Variants in RPS14 observed in about 807,000 individuals in gnomAD.
RPS14 encodes small ribosomal subunit protein uS11.
A neutral mutation model predicts 15.4 loss-of-function variants in RPS14; 1 was observed. The ratio of observed to expected loss-of-function variants is 0.07; its 90% confidence interval spans 0.02 to 0.31. RPS14 has a LOEUF of 0.31. RPS14 is among the 10% of genes least tolerant of loss of function. The pLI is 1.00. For synonymous variants in RPS14, 68 were observed against 74.4 expected (o/e 0.91, Z 0.44); for missense variants, 69 against 205.5 (o/e 0.34, Z 4.06).
Position 150,446,686 on chromosome 5 carries a change from G to T in RPS14, c.311+116C>A. 1.8e-6 allele frequency: 2 copies of T among 1,137,214 alleles called. No homozygotes were observed. The highest frequency in any genetic ancestry group is 2.6e-6 in the Non-Finnish European group (2 of 783,878). 70.4% of individuals were successfully genotyped at this position (1,137,214 alleles called of 1,614,324 possible). ...GGAGCCAATTATTAAGTATGTATAT[G>T]CCTAAAATATCTTGTTCAAGGTCAC... is the stretch of plus-strand genomic sequence containing the variant. On this transcript the variant is annotated intron_variant, in intron 3 of 4. Coordinates refer to ENST00000407193, the MANE Select transcript of RPS14 (RefSeq NM_005617.4). This position sits in a 1 kb window ranked among gnomAD's most constrained non-coding sequence, Gnocchi z 4.2.
rs1771097037 is a variant in RPS14, at chr5:150,446,369, C to A, written c.311+433G>T. Among the ~76,000 whole-genome samples the A allele has an allele frequency of 6.6e-6, 1 of 152,162 alleles. No homozygotes were observed. Among genetic ancestry groups the A allele is most frequent in the Non-Finnish European group, 1.5e-5 (1 of 68,030 alleles). The stretch of plus-strand genomic sequence containing the variant: ...CTGCAGTTGTCTCTAGCTGGAATAC[C>A]CTCCTCCTGTCCTTATTTCACTGGA... On this transcript the variant is annotated intron_variant, in intron 3 of 4. Transcript: ENST00000407193. The surrounding 1 kb of genome is among the most constrained non-coding windows in gnomAD (Gnocchi z 4.2).
chr5:150,444,179 G>A lies in RPS14; in HGVS notation c.*107C>T. 1.4e-6 allele frequency: 2 copies of A among 1,476,134 alleles called. No individual in the cohort carries two copies. The highest frequency in any genetic ancestry group is 1.8e-6 in the Non-Finnish European group (2 of 1,108,918). 91.4% of individuals were successfully genotyped at this position (1,476,134 alleles called of 1,614,324 possible). A position where few individuals can be genotyped will look rare whatever the true frequency, so the allele number is the denominator to read the frequency against. On this transcript the variant is annotated 3_prime_UTR_variant, in exon 5 of 5. Coordinates refer to ENST00000407193, the MANE Select transcript of RPS14 (RefSeq NM_005617.4). The stretch of plus-strand genomic sequence containing the variant: ...TTTCTCCCAAGAAGCCAAATAGGAG[G>A]AAGAAATCAAATGCCTGAGTAGCCC...
At chr5:150,448,030 G>A in intron 1 of RPS14, 1 of 307,622 alleles carries the variant, frequency 3.3e-6, no homozygotes, top group Non-Finnish European at 6.1e-6. Context: ...AGCAGCAGAT[G>A]CCTGAAGGCT....
intron 4 of RPS14, chr5:150,444,605 A>T (rs1432648622): frequency 1.5e-6 from 1 of 661,786 alleles, no homozygotes; most frequent in Non-Finnish European, 2.8e-6. Flanking sequence ...GAGGCACAGG[A>T]CAAATCCAGG....
rs577419468 is a variant in RPS14, at chr5:150,446,666, C to T, written c.311+136G>A. ...GCTGCTGGGGGGTGTACACAGGAGC[C>T]AATTATTAAGTATGTATATGCCTAA... On this transcript the variant is annotated intron_variant, in intron 3 of 4. Coordinates refer to ENST00000407193, the MANE Select transcript of RPS14 (RefSeq NM_005617.4). This position sits in a 1 kb window ranked among gnomAD's most constrained non-coding sequence, Gnocchi z 4.2. 1 of 885,304 alleles carries T rather than the reference C, an allele frequency of 1.1e-6. No individual in the cohort carries two copies. Among genetic ancestry groups the T allele is most frequent in the East Asian group, 2.6e-5 (1 of 39,108 alleles). The allele number at this position is 885,304 out of a possible 1,614,324, so 54.8% of individuals were successfully genotyped here.
chr5:150,445,528 A>G, intron 4 of RPS14, 81 bp downstream of exon 4: 1 of 1,322,904 alleles, frequency 7.6e-7, no homozygotes, highest in South Asian at 1.2e-5. Flanking sequence ...CAGCCGCTGC[A>G]CATCCACTGG....
intron 3 of RPS14, 103 bp from the exon 4 acceptor site, chr5:150,445,788 T>G: frequency 5.7e-6 from 5 of 884,212 alleles, no homozygotes; most frequent in Non-Finnish European, 9.0e-6. Context: ...TCTGCAAACT[T>G]TCTGTAAAGA....
At position 150,444,181 on chromosome 5, in the gene RPS14, A is replaced by G. The variant is rs1771019944; in HGVS notation, c.*105T>C. 1.4e-6 allele frequency: 2 copies of G among 1,479,024 alleles called. No individual in the cohort carries two copies. Among genetic ancestry groups the G allele is most frequent in the African/African-American group, 2.8e-5 (2 of 71,286 alleles). The allele number at this position is 1,479,024 out of a possible 1,614,324, so 91.6% of individuals were successfully genotyped here. A position where few individuals can be genotyped will look rare whatever the true frequency, so the allele number is the denominator to read the frequency against. On this transcript the variant is annotated 3_prime_UTR_variant, in exon 5 of 5. Transcript: ENST00000407193. ...TCTCCCAAGAAGCCAAATAGGAGGAAGAAATCAAATGCCTGAGTAGCCCCT... is the reference window on the plus strand; with the variant it reads ...TCTCCCAAGAAGCCAAATAGGAGGAGGAAATCAAATGCCTGAGTAGCCCCT...
At chr5:150,444,806 G>A (rs569895407) in intron 4 of RPS14, among the ~76,000 whole-genome samples, 5 of 151,938 alleles carry the variant, frequency 3.3e-5, no homozygotes, top group Admixed American at 6.6e-5. Flanking sequence ...CTGGTGGAAC[G>A]CCTGAGGCCA....
At chr5:150,445,460 T>C (rs749294692) in intron 4 of RPS14, 149 bp downstream of exon 4, 5 of 741,886 alleles carry the variant, frequency 6.7e-6, no homozygotes, top group African/African-American at 1.7e-5. Context: ...GATTTTTAAG[T>C]CACAAGGTGC....
rs1276382459 is a variant in RPS14 at position 150,443,299 on chromosome 5, T to C, written c.*987A>G. On this transcript the variant is annotated 3_prime_UTR_variant, in exon 5 of 5. Coordinates refer to ENST00000407193, the MANE Select transcript of RPS14 (RefSeq NM_005617.4). ...TAGCATTAGGTATATCTCCTAATGC[T>C]ATCCCTCCCGCCTCCCCAGGAGTAC... is the stretch of plus-strand genomic sequence containing the variant. 1 of 152,170 alleles carries C rather than the reference T, an allele frequency of 6.6e-6. No individual in the cohort carries two copies. Among genetic ancestry groups the C allele is most frequent in the African/African-American group, 2.4e-5 (1 of 41,424 alleles). 9.4% of individuals were successfully genotyped at this position (152,170 alleles called of 1,614,324 possible).
chr5:150,447,350 A>G, intron 2 of RPS14: 2 of 572,172 alleles, frequency 3.5e-6, no homozygotes, highest in Non-Finnish European at 6.3e-6. Flanking sequence ...GAAAGAAGAT[A>G]ATTCCCAAGA....
chr5:150,449,020 G>A (rs1469286662), intron 1 of RPS14: 1 of 152,218 alleles, frequency 6.6e-6, no homozygotes. Context: ...GTTTCGGCAT[G>A]ATGGCCATTC....
In RPS14 at chr5:150,444,279, A is replaced by G. The variant is rs1316182121; in HGVS notation, c.*7T>C. 3 of 1,607,880 alleles carry G rather than the reference A, an allele frequency of 1.9e-6. No individual in the cohort carries two copies. The highest frequency in any genetic ancestry group is 2.2e-5 in the East Asian group (1 of 44,774). On this transcript the variant is annotated 3_prime_UTR_variant, in exon 5 of 5. Coordinates refer to ENST00000407193, the MANE Select transcript of RPS14 (RefSeq NM_005617.4). ...TTATTAACAGAAAATATTTTGAGGA[A>G]TCTTGTTCACAGACGGCGACCACGG... is the stretch of plus-strand genomic sequence containing the variant.
intron 1 of RPS14, chr5:150,448,388 ATAACTC>A (rs991821289): frequency 1.3e-5 from 2 of 152,234 alleles, no homozygotes; most frequent in Non-Finnish European, 2.9e-5. Context: ...CTGAGACTAA[ATAACTC>A]TAACCTATTA....
At position 150,444,233 on chromosome 5, in the gene RPS14, A is replaced by C. The variant is rs1236744255; in HGVS notation, c.*53T>G. ...ATGAAGGAGAGAAGGCTGGAGTTGA[A>C]ACAGTTTACATGAAGGCAATTTATT... is the stretch of plus-strand genomic sequence containing the variant. On this transcript the variant is annotated 3_prime_UTR_variant, in exon 5 of 5. Coordinates refer to ENST00000407193, the MANE Select transcript of RPS14 (RefSeq NM_005617.4). The C allele has an allele frequency of 3.9e-5, 61 of 1,570,642 alleles. No homozygotes were observed. Among genetic ancestry groups the C allele is most frequent in the Non-Finnish European group, 5.1e-5 (59 of 1,154,858 alleles).
intron 4 of RPS14, 135 bp downstream of exon 4, chr5:150,445,474 T>C (rs901007374): frequency 5.0e-6 from 4 of 798,904 alleles, no homozygotes; most frequent in South Asian, 1.4e-5. Flanking sequence ...AAGGTGCCTC[T>C]TGCAGCCTCC....
chr5:150,445,424 C>T, intron 4 of RPS14, 185 bp downstream of exon 4: 1 of 712,312 alleles, frequency 1.4e-6, no homozygotes. Context: ...ACATTCATAT[C>T]AAGGTGACAG....
chr5:150,445,444 G>A lies in RPS14; in HGVS notation c.388+165C>T, dbSNP rs77080547. 0.011 allele frequency: 7,822 copies of A among 721,496 alleles called. 450 individuals are homozygous for A. The African/African-American group carries it at 0.12, about 11-fold the overall frequency. 44.7% of individuals were successfully genotyped at this position (721,496 alleles called of 1,614,324 possible). A position where few individuals can be genotyped will look rare whatever the true frequency, so the allele number is the denominator to read the frequency against. ...CATATCAAGGTGACAGAGATATTCA[G>A]GGAGAGATTTTTAAGTCACAAGGTG... On this transcript the variant is annotated intron_variant, in intron 4 of 4. Coordinates refer to ENST00000407193, the MANE Select transcript of RPS14 (RefSeq NM_005617.4).
Sources: gnomAD v4.1 joint callset for allele counts (sites outside exome capture counted in the v4.1 genomes callset) on GRCh38, gnomAD v4.1.1 for gene constraint, Gnocchi (gnomAD v3.1) non-coding constraint, MANE v1.5 for transcripts, NCBI Gene and HGNC (gene_info 2026-07-23, HGNC 2026-07-21) for gene names.